Variants in NKAIN3 observed in about 807,000 individuals in gnomAD.
NKAIN3 encodes the protein sodium/potassium-transporting ATPase subunit beta-1-interacting protein 3.
Under a neutral mutation model 30.2 loss-of-function variants are expected in NKAIN3, and 25 were observed. The ratio of observed to expected loss-of-function variants is 0.83; its 90% CI spans 0.60 to 1.16. The LOEUF is 1.16. Among genes scored for constraint, NKAIN3 ranks in the 50% most tolerant of loss-of-function variants. The pLI is 0.00. For synonymous variants in NKAIN3, 91 were observed against 89.6 expected, an observed-to-expected ratio of 1.02 and a Z score of -0.09; for missense variants, 225 against 254.1, an observed-to-expected ratio of 0.89 and a Z score of 0.78.
chr8:62,254,887 C>T (rs1215401266), intron 1 of NKAIN3, among the ~76,000 whole-genome samples: 1 of 152,152 alleles, frequency 6.6e-6, no homozygotes, highest in Non-Finnish European at 1.5e-5. Context: ...ATACAGTCAA[C>T]ATGGATTAGT....
intron 1 of NKAIN3, among the ~76,000 whole-genome samples, chr8:62,446,635 A>G (rs1805494024): frequency 6.6e-6 from 1 of 152,066 alleles, no homozygotes; most frequent in Non-Finnish European, 1.5e-5. Flanking sequence ...CCAGAACCCT[A>G]CCAACCTTGG....
chr8:62,736,892 T>G (rs1282928099), intron 3 of NKAIN3, among the ~76,000 whole-genome samples: 1 of 152,314 alleles, frequency 6.6e-6, no homozygotes, highest in East Asian at 1.9e-4. Flanking sequence ...CAATGCTTCC[T>G]CTAGCCCTAT....
rs574976329 is a variant in NKAIN3, at chr8:62,776,227, A to C, written c.471+29098A>C. 1.8e-4 allele frequency among the ~76,000 whole-genome samples: 27 copies of C among 151,992 alleles called. 1 individual carries two copies. In the South Asian group the frequency reaches 5.4e-3, roughly 30 times the overall value. On this transcript the variant is annotated intron_variant, in intron 4 of 6. Transcript: ENST00000623646. ...TCTTTTCCTTTCTTTTTTCTATATC[A>C]ATTCAGCCACCATATGTCTTTTGTT...
chr8:62,457,519 T>G (rs1168682971), intron 1 of NKAIN3, among the ~76,000 whole-genome samples: 1 of 152,196 alleles, frequency 6.6e-6, no homozygotes, highest in African/African-American at 2.4e-5. Context: ...CTGTGTAACT[T>G]TGATATAATT....
At chr8:62,952,743 A>C (rs575756292) in intron 5 of NKAIN3, among the ~76,000 whole-genome samples, 1 of 152,356 alleles carries the variant, frequency 6.6e-6, no homozygotes, top group East Asian at 1.9e-4. Context: ...GGTTACAGAA[A>C]ACATTGACAT....
chr8:62,678,828 T>C (rs1424469262), intron 3 of NKAIN3, among the ~76,000 whole-genome samples: 1 of 152,154 alleles, frequency 6.6e-6, no homozygotes, highest in South Asian at 2.1e-4. Flanking sequence ...AAACATTATT[T>C]TGAGTTAGTG....
At chr8:62,991,100 G>C (rs1419739515) in intron 5 of NKAIN3, 2 of 152,272 alleles carry the variant, frequency 1.3e-5, no homozygotes, top group African/African-American at 4.8e-5. Context: ...ATGGGAAAGA[G>C]GTGAACAATG....
At chr8:62,863,506 G>T in intron 4 of NKAIN3, 1 of 1,501,374 alleles carries the variant, frequency 6.7e-7, no homozygotes, top group Non-Finnish European at 9.2e-7. Flanking sequence ...TGGGTGGGAG[G>T]CCTTGATAGT....
chr8:62,655,811 T>C lies in NKAIN3; in HGVS notation c.273+66017T>C, dbSNP rs118042101. On this transcript the variant is annotated intron_variant, in intron 3 of 6. Coordinates refer to ENST00000623646, the MANE Select transcript of NKAIN3 (RefSeq NM_001304533.3). ...TATTTTGGTGTCCAAACAACAGGTG[T>C]TTGCAAACATGGGTAGATCACCTAT... 8.4e-4 allele frequency among the ~76,000 whole-genome samples: 127 copies of C among 152,016 alleles called. 3 individuals carry two copies. The East Asian group carries it at 0.023, about 28-fold the overall frequency.
chr8:62,461,751 T>C lies in NKAIN3; in HGVS notation c.55-117788T>C, dbSNP rs539318998. Reference sequence around the variant, plus strand: ...ACCAGCCAACTTGAAAATGGGTCAATTGAGGTTATTCAGTGAGAGTAACAG... The same window carrying C: ...ACCAGCCAACTTGAAAATGGGTCAACTGAGGTTATTCAGTGAGAGTAACAG... On this transcript the variant is annotated intron_variant, in intron 1 of 6. Transcript: ENST00000623646. Among the ~76,000 whole-genome samples the C allele has an allele frequency of 2.6e-5, 4 of 152,158 alleles. No homozygotes were observed. In the East Asian group the frequency reaches 7.8e-4, roughly 29 times the overall value.
chr8:62,847,053 C>G (rs1428470967), intron 4 of NKAIN3, among the ~76,000 whole-genome samples: 1 of 152,098 alleles, frequency 6.6e-6, no homozygotes, highest in African/African-American at 2.4e-5. Flanking sequence ...TATTACAATT[C>G]AAGGTGAGAT....
chr8:62,687,515 G>A (rs148892150), intron 3 of NKAIN3, among the ~76,000 whole-genome samples: 12 of 152,134 alleles, frequency 7.9e-5, no homozygotes, highest in African/African-American at 2.4e-4. Context: ...TGTTTTGCTG[G>A]GTCCTTCTAT....
chr8:62,474,634 A>G (rs1255469726), intron 1 of NKAIN3, among the ~76,000 whole-genome samples: 1 of 152,220 alleles, frequency 6.6e-6, no homozygotes, highest in Non-Finnish European at 1.5e-5. Context: ...CAAAAACTAA[A>G]CAATATCATC....
At chr8:62,644,353 C>T (rs976145710) in intron 3 of NKAIN3, among the ~76,000 whole-genome samples, 3 of 152,000 alleles carry the variant, frequency 2.0e-5, no homozygotes, top group African/African-American at 4.8e-5. Flanking sequence ...CTTTTTGGGA[C>T]CCTGATAGAT....
At chr8:62,859,707 A>G (rs1249062353) in intron 4 of NKAIN3, among the ~76,000 whole-genome samples, 1 of 151,970 alleles carries the variant, frequency 6.6e-6, no homozygotes, top group Non-Finnish European at 1.5e-5. Context: ...AAATCCTACA[A>G]GATTTACTTA....
intron 1 of NKAIN3, among the ~76,000 whole-genome samples, chr8:62,338,668 C>A (rs572104404): frequency 1.3e-5 from 2 of 152,026 alleles, no homozygotes; most frequent in South Asian, 4.1e-4. Flanking sequence ...AGGCCATCTG[C>A]AAGCTGAGGA....
At chr8:62,291,483 A>G (rs1283624890) in intron 1 of NKAIN3, among the ~76,000 whole-genome samples, 2 of 152,054 alleles carry the variant, frequency 1.3e-5, no homozygotes, top group African/African-American at 4.8e-5. Context: ...TTCTGGCTTC[A>G]TTTTGTTATG....
At chr8:62,811,516 A>T (rs1406555531) in intron 4 of NKAIN3, among the ~76,000 whole-genome samples, 1 of 152,012 alleles carries the variant, frequency 6.6e-6, no homozygotes, top group South Asian at 2.1e-4. Flanking sequence ...GTTTCTCTGC[A>T]TCTTTGCCAG....
chr8:62,820,707 A>G (rs928013941), intron 4 of NKAIN3, among the ~76,000 whole-genome samples: 40 of 152,128 alleles, frequency 2.6e-4, no homozygotes, highest in African/African-American at 8.7e-4. Flanking sequence ...GACGAGGAGA[A>G]CCATAGTAAA....
Sources: gnomAD v4.1 joint callset for allele counts (sites outside exome capture counted in the v4.1 genomes callset) on GRCh38, gnomAD v4.1.1 for gene constraint, MANE v1.5 for transcripts, NCBI Gene and HGNC (gene_info 2026-07-23, HGNC 2026-07-21) for gene names.